Variants in MYH4 observed in about 807,000 individuals in gnomAD.
MYH4 encodes myosin heavy chain 4.
A neutral mutation model predicts 229.9 loss-of-function variants in MYH4; 200 were observed. The observed-to-expected ratio is 0.87, with a 90% CI of 0.78 to 0.98. The LOEUF (loss-of-function observed/expected upper bound fraction) is 0.98. Ranked by LOEUF, MYH4 falls within the 50% of genes least tolerant of loss-of-function variation. The pLI is 0.00. For synonymous variants in MYH4, 761 were observed against 834.6 expected (o/e 0.91, Z 1.52); for missense variants, 2,148 against 2,332.6 (o/e 0.92, Z 1.63).
chr17:10,445,151 T>A lies in MYH4; in HGVS notation c.5296-5A>T. ...CTCCTCAGCCATCATGGCAGCCTAG[T>A]TAGCAAATAAATTTTGAAAATAATG... On this transcript the variant is annotated splice_region_variant and splice_polypyrimidine_tract_variant and intron_variant, in intron 36 of 39. Transcript: ENST00000255381. 1 of 1,614,170 alleles carries A rather than the reference T, an allele frequency of 6.2e-7. No homozygotes were observed.
chr17:10,468,237 C>T (rs1471243439), intron 2 of MYH4, among the ~76,000 whole-genome samples: 2 of 152,128 alleles, frequency 1.3e-5, no homozygotes, highest in African/African-American at 2.4e-5. Flanking sequence ...CACACTACCA[C>T]GTGGAGGTTA....
At chr17:10,452,587 A>T (rs997351979) in intron 25 of MYH4, 81 bp from the exon 26 acceptor site, 16 of 1,396,914 alleles carry the variant, frequency 1.1e-5, no homozygotes, top group Non-Finnish European at 1.4e-5. Context: ...GACTTTTTTT[A>T]TACTGCTGGT....
chr17:10,457,779 T>C, intron 15 of MYH4, 50 bp from the exon 16 acceptor site: 1 of 1,553,924 alleles, frequency 6.4e-7, no homozygotes, highest in African/African-American at 1.4e-5. Flanking sequence ...CAGAAAGTTA[T>C]GCTCCATGTA....
At position 10,460,186 on chromosome 17, in the gene MYH4, A is replaced by G. The variant is rs762940431; in HGVS notation, c.1266+17T>C. 3.7e-6 allele frequency: 6 copies of G among 1,613,518 alleles called. No individual in the cohort carries two copies. The Admixed American group carries it at 8.3e-5, about 22-fold the overall frequency. On this transcript the variant is annotated intron_variant, in intron 13 of 39. Coordinates refer to ENST00000255381, the MANE Select transcript of MYH4 (RefSeq NM_017533.2). ...ACTTGCGGTTCAAATAAATCAGACA[A>G]TTTAAGTCATGTTTACCTGCTGCAC... is the stretch of plus-strand genomic sequence containing the variant.
intron 11 of MYH4, 31 bp from the exon 12 acceptor site, chr17:10,461,085 A>G (rs753972243): frequency 6.2e-7 from 1 of 1,611,778 alleles, no homozygotes; most frequent in South Asian, 1.1e-5. Flanking sequence ...GCTCATCCCC[A>G]ATTAGCACCA....
intron 30 of MYH4, among the ~76,000 whole-genome samples, chr17:10,449,977 C>T (rs186580851): frequency 6.6e-6 from 1 of 152,174 alleles, no homozygotes; most frequent in African/African-American, 2.4e-5. Context: ...GCAAACAGTA[C>T]GTGTAATTAG....
Position 10,455,968 on chromosome 17 carries a change from A to G in MYH4, c.1969-67T>C, listed in dbSNP as rs2142221514. ...CATCGACATGAGAGTCCCTATCAAT[A>G]TTTGTCTTTCATTTCACATTTTAAT... On this transcript the variant is annotated intron_variant, in intron 17 of 39. Transcript: ENST00000255381. 3.2e-6 allele frequency: 5 copies of G among 1,582,036 alleles called. No homozygotes were observed. In the Admixed American group the frequency reaches 8.6e-5, roughly 27 times the overall value.
At position 10,452,514 on chromosome 17, in the gene MYH4, A is replaced by AAG. The variant is rs757882241; in HGVS notation, c.3258-10_3258-9dup. 5 of 1,611,992 alleles carry AAG rather than the reference A, an allele frequency of 3.1e-6. No homozygotes were observed. The African/African-American group carries it at 6.7e-5, about 22-fold the overall frequency. ...CTCATTTCAAACTCTTTCCTATTAG[A>AAG]AGAGCAACACATTAGCTTATAATCA... is the stretch of plus-strand genomic sequence containing the variant. On this transcript the variant is annotated splice_polypyrimidine_tract_variant and intron_variant, in intron 25 of 39. Transcript: ENST00000255381.
Position 10,443,513 on chromosome 17 carries a change from A to C in MYH4, c.5682T>G (p.Asn1894Lys), listed in dbSNP as rs563076885. 1 of 1,613,918 alleles carries C rather than the reference A, an allele frequency of 6.2e-7. No individual in the cohort carries two copies. The change falls in exon 40 of 40, where the codon AAT (asparagine) becomes AAG (lysine). Residue 1894 changes from asparagine to lysine, a missense_variant. Transcript: ENST00000255381. The surrounding 1 kb of genome is among the most constrained non-coding windows in gnomAD (Gnocchi z 4.6). ...GCTTGCGGAACTTGGCAAGGTTGAC[A>C]TTGGATTGTTCCTCCTGAGAACAGA... ...RQAEEAEEQS[N>K]VNLAKFRKLQ... is the part of the protein sequence containing the mutation.
Position 10,444,836 on chromosome 17 carries a change from G to A in MYH4, c.5530C>T (p.Leu1844Phe). Reference protein sequence around the residue: ...QKHNVEAVKGLRKHERRVKEL... With the variant: ...QKHNVEAVKGFRKHERRVKEL... ...TTCACTCTTCTCTCATGTTTGCGAA[G>A]ACCCTTGACAGCCTCAACATTGTGC... Residue 1844 changes from leucine (L) to phenylalanine (F), a missense_variant, in exon 38 of 40, where the codon CTT becomes TTT. Transcript: ENST00000255381. 1 of 1,614,120 alleles carries A rather than the reference G, an allele frequency of 6.2e-7. No individual in the cohort carries two copies. Among genetic ancestry groups the A allele is most frequent in the South Asian group, 1.1e-5 (1 of 91,080 alleles).
At chr17:10,445,799 T>G (rs1248428389) in intron 35 of MYH4, among the ~76,000 whole-genome samples, 1 of 151,808 alleles carries the variant, frequency 6.6e-6, no homozygotes, top group African/African-American at 2.4e-5. Flanking sequence ...GAGGCCGAGG[T>G]GGGCAGATCA....
In MYH4 at chr17:10,460,088, A is replaced by G; in HGVS notation, c.1280T>C (p.Val427Ala). ...GQTVQQVYNA[V>A]GALAKAIYEK... ...GTAGATGGCTTTGGCCAGAGCACCC[A>G]CTGCATTGTACACCTTCAACAGAAG... is the stretch of plus-strand genomic sequence containing the variant. The change falls in exon 14 of 40, where the codon GTG becomes GCG. Residue 427 changes from valine to alanine, a missense_variant. Physicochemically the swap from Val to Ala is moderately conservative, Grantham distance 64 (BLOSUM62 0). Coordinates refer to ENST00000255381, the MANE Select transcript of MYH4 (RefSeq NM_017533.2). The G allele has an allele frequency of 6.2e-7, 1 of 1,614,194 alleles. No individual in the cohort carries two copies. The highest frequency in any genetic ancestry group is 8.5e-7 in the Non-Finnish European group (1 of 1,180,042).
intron 11 of MYH4, among the ~76,000 whole-genome samples, chr17:10,461,900 ACT>A (rs2072707624): frequency 6.6e-6 from 1 of 152,048 alleles, no homozygotes; most frequent in Admixed American, 6.6e-5. Flanking sequence ...CAGCTCACTA[ACT>A]CTACCTATTT....
chr17:10,458,841 T>C (rs2072669830), intron 15 of MYH4, among the ~76,000 whole-genome samples: 1 of 152,194 alleles, frequency 6.6e-6, no homozygotes, highest in Non-Finnish European at 1.5e-5. Context: ...AACCTTCCAA[T>C]CTTTAAGACG....
At chr17:10,455,542 A>T (rs2142220949) in intron 19 of MYH4, 72 bp downstream of exon 19, 5 of 1,561,530 alleles carry the variant, frequency 3.2e-6, no homozygotes, top group South Asian at 1.2e-5. Flanking sequence ...GGAAAAGTTT[A>T]AAAATGTTGG....
chr17:10,468,257 A>C (rs1007783699), intron 2 of MYH4, among the ~76,000 whole-genome samples: 3 of 152,232 alleles, frequency 2.0e-5, no homozygotes, highest in African/African-American at 7.2e-5. Flanking sequence ...ACTATAATGC[A>C]GTGTATCCAG....
At chr17:10,454,858 GATC>G (rs779605945) in intron 21 of MYH4, 48 bp from the exon 22 acceptor site, 1 of 1,610,032 alleles carries the variant, frequency 6.2e-7, no homozygotes, top group Admixed American at 1.7e-5. Flanking sequence ...TGTGGAAAGT[GATC>G]ATCACTCAAC....
chr17:10,451,861 G>A (rs2072577016), intron 27 of MYH4, 80 bp downstream of exon 27: 33 of 1,499,982 alleles, frequency 2.2e-5, no homozygotes, highest in Non-Finnish European at 2.9e-5. Context: ...TGTGTAATTT[G>A]GCTAAAAATA....
rs1567699132 is a variant in MYH4 at position 10,448,868 on chromosome 17, T to A, written c.4361A>T (p.Asp1454Val). 6.2e-7 allele frequency: 1 copy of A among 1,614,022 alleles called. No individual in the cohort carries two copies. The highest frequency in any genetic ancestry group is 8.5e-7 in the Non-Finnish European group (1 of 1,179,962). ...GGAGCTGGTACTGTGGACCACCTTG[T>A]CAAAGTTTCTTTGCTTCTTATCGAG... The part of the protein sequence containing the change: ...IALDKKQRNF[D>V]KVLAEWKQKY... The change falls in exon 31 of 40, where the codon GAC becomes GTC. Residue 1454 changes from aspartate (D) to valine (V), a missense_variant. Asp to Val is a radical substitution (Grantham distance 152). Coordinates refer to ENST00000255381, the MANE Select transcript of MYH4 (RefSeq NM_017533.2).
Sources: gnomAD v4.1 joint callset for allele counts (sites outside exome capture counted in the v4.1 genomes callset) on GRCh38, gnomAD v4.1.1 for gene constraint, Gnocchi (gnomAD v3.1) non-coding constraint, MANE v1.5 for transcripts, NCBI Gene and HGNC (gene_info 2026-07-23, HGNC 2026-07-21) for gene names.